The following GRID1 variants were observed in gnomAD, a reference collection of about 807,000 sequenced individuals.
GRID1 encodes glutamate receptor ionotropic, delta-1.
A neutral mutation model predicts 98.0 loss-of-function variants in GRID1; 28 were observed. The ratio of observed to expected loss-of-function variants is 0.29; its 90% CI spans 0.21 to 0.39. The LOEUF (loss-of-function observed/expected upper bound fraction) is 0.39. Ranked by LOEUF, GRID1 falls within the 10% of genes least tolerant of loss-of-function variation. GRID1 has a pLI of 1.00. For missense variants in GRID1, 1,111 were observed against 1,340.5 expected, an observed-to-expected ratio of 0.83 and a Z score of 2.67; for synonymous variants, 553 against 538.5, an observed-to-expected ratio of 1.03 and a Z score of -0.37.
At chr10:86,107,510 A>C (rs1449747343) in intron 4 of GRID1, among the ~76,000 whole-genome samples, 1 of 152,112 alleles carries the variant, frequency 6.6e-6, no homozygotes, top group Non-Finnish European at 1.5e-5. Context: ...AGAATGGGGG[A>C]AGGGAAGGGT....
At chr10:85,983,331 G>C (rs1254411978) in intron 4 of GRID1, among the ~76,000 whole-genome samples, 1 of 152,214 alleles carries the variant, frequency 6.6e-6, no homozygotes, top group Non-Finnish European at 1.5e-5. Flanking sequence ...GGGAAGAAAG[G>C]AGTGAGGCAC....
At chr10:85,701,740 A>G (rs1475497282) in intron 12 of GRID1, among the ~76,000 whole-genome samples, 1 of 152,174 alleles carries the variant, frequency 6.6e-6, no homozygotes, top group African/African-American at 2.4e-5. Context: ...GAAAAACCAA[A>G]CATCATATGT....
chr10:85,950,573 G>C (rs1487974571), intron 4 of GRID1, among the ~76,000 whole-genome samples: 1 of 152,184 alleles, frequency 6.6e-6, no homozygotes, highest in Admixed American at 6.5e-5. Flanking sequence ...AGCAGAGGGG[G>C]AGAACATCTC....
At chr10:85,676,500 C>T (rs1000073286) in intron 12 of GRID1, among the ~76,000 whole-genome samples, 2 of 152,200 alleles carry the variant, frequency 1.3e-5, no homozygotes, top group Non-Finnish European at 2.9e-5. Flanking sequence ...GGTTCCCCCT[C>T]CACCCAAGAA....
chr10:86,204,463 G>A (rs1381042823), intron 3 of GRID1, among the ~76,000 whole-genome samples: 1 of 152,224 alleles, frequency 6.6e-6, no homozygotes, highest in Non-Finnish European at 1.5e-5. Context: ...GCATGTCTGC[G>A]AGAGCGTGTA....
intron 8 of GRID1, among the ~76,000 whole-genome samples, chr10:85,767,458 A>T: frequency 6.6e-6 from 1 of 152,198 alleles, no homozygotes; most frequent in East Asian, 1.9e-4. Flanking sequence ...TTTAAATAGC[A>T]TATCTAATAT....
At chr10:86,040,683 G>C (rs546227057) in intron 4 of GRID1, among the ~76,000 whole-genome samples, 1 of 152,222 alleles carries the variant, frequency 6.6e-6, no homozygotes, top group African/African-American at 2.4e-5. Flanking sequence ...CCATTGCAAA[G>C]TAGGGTGACT....
chr10:85,861,785 A>C (rs564856310), intron 6 of GRID1, among the ~76,000 whole-genome samples: 1 of 152,178 alleles, frequency 6.6e-6, no homozygotes, highest in South Asian at 2.1e-4. Context: ...TGTGCTCTGC[A>C]CTCCACCCTC....
At chr10:86,290,046 TG>T (rs1195184778) in intron 2 of GRID1, among the ~76,000 whole-genome samples, 1 of 152,242 alleles carries the variant, frequency 6.6e-6, no homozygotes, top group Non-Finnish European at 1.5e-5. Flanking sequence ...GATCCAGCCA[TG>T]CCTGAAGCTA....
Position 85,729,659 on chromosome 10 carries a change from G to A in GRID1, c.1234-45C>T, listed in dbSNP as rs542613369. Reference sequence around the variant, plus strand: ...ATTGTGAGGGATGGAACTGGCACCCGTGCACACCATAGGACCTCGGCTCCT... The same window carrying A: ...ATTGTGAGGGATGGAACTGGCACCCATGCACACCATAGGACCTCGGCTCCT... On this transcript the variant is annotated intron_variant, in intron 8 of 15. Coordinates refer to ENST00000327946, the MANE Select transcript of GRID1 (RefSeq NM_017551.3). 256 of 1,232,494 alleles carry A rather than the reference G, an allele frequency of 2.1e-4. 5 individuals carry two copies. The South Asian group carries it at 2.9e-3, about 14-fold the overall frequency. 76.3% of individuals were successfully genotyped at this position (1,232,494 alleles called of 1,614,324 possible).
intron 5 of GRID1, among the ~76,000 whole-genome samples, chr10:85,870,328 A>G (rs1371625258): frequency 6.6e-6 from 1 of 152,218 alleles, no homozygotes; most frequent in Non-Finnish European, 1.5e-5. Flanking sequence ...GCGATTTTCC[A>G]GCCGCTCTCA....
At chr10:85,719,844 T>C (rs1348356952) in intron 12 of GRID1, among the ~76,000 whole-genome samples, 1 of 152,116 alleles carries the variant, frequency 6.6e-6, no homozygotes, top group African/African-American at 2.4e-5. Context: ...TATAAAAATG[T>C]TAGGAATTTT....
chr10:85,663,898 A>G (rs1564552267), intron 12 of GRID1, among the ~76,000 whole-genome samples: 1 of 152,192 alleles, frequency 6.6e-6, no homozygotes, highest in African/African-American at 2.4e-5. Flanking sequence ...GCCCAGCCCA[A>G]TCCAGGTATT....
At chr10:85,770,328 C>A (rs1842249178) in intron 8 of GRID1, among the ~76,000 whole-genome samples, 1 of 152,110 alleles carries the variant, frequency 6.6e-6, no homozygotes, top group Non-Finnish European at 1.5e-5. Context: ...CCCATCTATA[C>A]ATCACCATCA....
At chr10:86,150,037 T>C (rs925196899) in intron 3 of GRID1, among the ~76,000 whole-genome samples, 1 of 152,258 alleles carries the variant, frequency 6.6e-6, no homozygotes, top group Non-Finnish European at 1.5e-5. Context: ...CTGTCACCTT[T>C]CACTTACGAG....
chr10:85,840,110 A>C (rs1842948832), intron 8 of GRID1, among the ~76,000 whole-genome samples: 1 of 152,150 alleles, frequency 6.6e-6, no homozygotes, highest in African/African-American at 2.4e-5. Flanking sequence ...AGGCCATAAT[A>C]AATAGCCTAC....
intron 4 of GRID1, among the ~76,000 whole-genome samples, chr10:85,989,911 T>C (rs1842659244): frequency 6.6e-6 from 1 of 152,142 alleles, no homozygotes; most frequent in Non-Finnish European, 1.5e-5. Flanking sequence ...GTATCCCTCA[T>C]AATGAGTGCC....
chr10:85,750,187 C>T (rs1842033227), intron 8 of GRID1, among the ~76,000 whole-genome samples: 1 of 152,156 alleles, frequency 6.6e-6, no homozygotes. Context: ...ACAGGAGCAT[C>T]TATTCTTAGG....
intron 8 of GRID1, among the ~76,000 whole-genome samples, chr10:85,734,861 T>C (rs1388789804): frequency 6.6e-6 from 1 of 150,906 alleles, no homozygotes; most frequent in East Asian, 1.9e-4. Flanking sequence ...AATAATCCAG[T>C]GGAATTTTTT....
Sources: gnomAD v4.1 joint callset for allele counts (sites outside exome capture counted in the v4.1 genomes callset) on GRCh38, gnomAD v4.1.1 for gene constraint, MANE v1.5 for transcripts, NCBI Gene and HGNC (gene_info 2026-07-23, HGNC 2026-07-21) for gene names.